SLC24A2: variants seen among roughly 807,000 people sequenced by gnomAD.
The protein encoded by SLC24A2 is solute carrier family 24 member 2.
SLC24A2 carries 36 observed loss-of-function variants against 62.0 expected under a neutral mutation model. The ratio of observed to expected loss-of-function variants is 0.58; its 90% confidence interval spans 0.44 to 0.77. SLC24A2 has a LOEUF of 0.77. Ranked by LOEUF, SLC24A2 falls within the 30% of genes least tolerant of loss-of-function variation. The pLI is 0.00. For synonymous variants in SLC24A2, 358 were observed against 294.0 expected, an observed-to-expected ratio of 1.22 and a Z score of -2.23; for missense variants, 846 against 817.9, an observed-to-expected ratio of 1.03 and a Z score of -0.42.
chr9:20,231,985 G>C, the SLC24A2 span, among the ~76,000 whole-genome samples: 1 of 152,154 alleles, frequency 6.6e-6, no homozygotes, highest in Non-Finnish European at 1.5e-5. Context: ...TGCATCTATT[G>C]AGATAATCAT....
chr9:19,866,829 G>A, the SLC24A2 span, among the ~76,000 whole-genome samples: 8 of 151,764 alleles, frequency 5.3e-5, no homozygotes, highest in East Asian at 1.6e-3. Flanking sequence ...TAGAGACGGG[G>A]TCACTTATTA....
At chr9:20,278,849 G>T in the SLC24A2 span, among the ~76,000 whole-genome samples, 724 of 152,148 alleles carry the variant, frequency 4.8e-3, 7 homozygotes, top group Admixed American at 0.029. Flanking sequence ...CCAATTTATT[G>T]TATTAGTCCA....
the SLC24A2 span, among the ~76,000 whole-genome samples, chr9:19,869,507 T>A: frequency 1.2e-4 from 18 of 152,336 alleles, no homozygotes; most frequent in East Asian, 3.5e-3. Context: ...CTTTTACAGG[T>A]TGCATAAATG....
chr9:19,715,389 C>T (rs887859970), intron 2 of SLC24A2, among the ~76,000 whole-genome samples: 1 of 152,082 alleles, frequency 6.6e-6, no homozygotes, highest in African/African-American at 2.4e-5. Flanking sequence ...GGAGAGGGAC[C>T]GAGTATCCTC....
chr9:20,168,343 C>A, the SLC24A2 span, among the ~76,000 whole-genome samples: 1 of 151,376 alleles, frequency 6.6e-6, no homozygotes, highest in African/African-American at 2.4e-5. Context: ...GATATGACAC[C>A]AAGATAACAG....
the SLC24A2 span, among the ~76,000 whole-genome samples, chr9:20,231,862 G>C: frequency 1.3e-5 from 2 of 152,228 alleles, no homozygotes; most frequent in South Asian, 2.1e-4. Flanking sequence ...TATGATATTG[G>C]CTGTGGGTTT....
chr9:20,105,236 C>T, the SLC24A2 span, among the ~76,000 whole-genome samples: 9 of 152,160 alleles, frequency 5.9e-5, no homozygotes, highest in African/African-American at 1.2e-4. Context: ...TAGACTCCCA[C>T]ACAATAATAA....
intron 7 of SLC24A2, among the ~76,000 whole-genome samples, chr9:19,551,182 A>C (rs1834824758): frequency 6.6e-6 from 1 of 152,222 alleles, no homozygotes; most frequent in Admixed American, 6.5e-5. Flanking sequence ...AACCACAGCT[A>C]AATTCTAAAC....
At chr9:19,531,404 G>A (rs1178885053) in intron 8 of SLC24A2, among the ~76,000 whole-genome samples, 1 of 152,100 alleles carries the variant, frequency 6.6e-6, no homozygotes, top group Non-Finnish European at 1.5e-5. Context: ...AGTAATGGGG[G>A]TTCATCCTGC....
At position 19,517,555 on chromosome 9, in the gene SLC24A2, G is replaced by A. The variant is rs373159834; in HGVS notation, c.1737-1153C>T. Among the ~76,000 whole-genome samples, 4 of 152,292 alleles carry A rather than the reference G, an allele frequency of 2.6e-5. No homozygotes were observed. In the East Asian group the frequency reaches 5.8e-4, roughly 22 times the overall value. ...CTTTGAAATTCCAGGCCTGGTACAT[G>A]CAGCCCCTAACTGGGTGCATATGTT... is the stretch of plus-strand genomic sequence containing the variant. On this transcript the variant is annotated intron_variant, in intron 10 of 10. Coordinates refer to ENST00000341998, the MANE Select transcript of SLC24A2 (RefSeq NM_020344.4).
chr9:20,267,957 C>G, the SLC24A2 span, among the ~76,000 whole-genome samples: 2 of 152,100 alleles, frequency 1.3e-5, no homozygotes, highest in East Asian at 3.9e-4. Context: ...TTAACCTCCC[C>G]ATCCCACTGG....
intron 2 of SLC24A2, among the ~76,000 whole-genome samples, chr9:19,717,626 G>A (rs973017635): frequency 6.6e-6 from 1 of 152,156 alleles, no homozygotes; most frequent in Non-Finnish European, 1.5e-5. Context: ...ACATTCTAAT[G>A]TTAAACTACT....
chr9:19,930,141 T>A, the SLC24A2 span, among the ~76,000 whole-genome samples: 1 of 152,184 alleles, frequency 6.6e-6, no homozygotes, highest in Non-Finnish European at 1.5e-5. Context: ...GTTTATAAAG[T>A]CTACAGTAGT....
the SLC24A2 span, among the ~76,000 whole-genome samples, chr9:20,102,303 T>C: frequency 6.7e-6 from 1 of 149,880 alleles, no homozygotes; most frequent in Non-Finnish European, 1.5e-5. Flanking sequence ...CAGAATACTA[T>C]GCAGCCATAA....
chr9:19,841,043 T>G, the SLC24A2 span, among the ~76,000 whole-genome samples: 4 of 152,162 alleles, frequency 2.6e-5, no homozygotes, highest in Non-Finnish European at 4.4e-5. Context: ...CATAGACTTT[T>G]CAATCACCAT....
the SLC24A2 span, among the ~76,000 whole-genome samples, chr9:20,149,546 T>C: frequency 6.6e-6 from 1 of 152,146 alleles, no homozygotes; most frequent in East Asian, 1.9e-4. Context: ...GTTTCCATTG[T>C]GGCTGCTCAA....
At chr9:20,173,883 C>A in the SLC24A2 span, among the ~76,000 whole-genome samples, 1 of 151,910 alleles carries the variant, frequency 6.6e-6, no homozygotes. Context: ...AAAGAACCCA[C>A]AAAGCCCAAG....
At chr9:20,305,660 T>G in the SLC24A2 span, among the ~76,000 whole-genome samples, 1 of 152,204 alleles carries the variant, frequency 6.6e-6, no homozygotes, top group South Asian at 2.1e-4. Flanking sequence ...GTCAGCATAT[T>G]TGAGCATATA....
At chr9:19,764,856 T>A (rs1033089985) in intron 2 of SLC24A2, among the ~76,000 whole-genome samples, 3 of 152,192 alleles carry the variant, frequency 2.0e-5, no homozygotes, top group African/African-American at 7.2e-5. Flanking sequence ...ATATCTCTGT[T>A]AATTTTTTGT....
Sources: gnomAD v4.1 joint callset for allele counts (sites outside exome capture counted in the v4.1 genomes callset) on GRCh38, gnomAD v4.1.1 for gene constraint, MANE v1.5 for transcripts, NCBI Gene and HGNC (gene_info 2026-07-23, HGNC 2026-07-21) for gene names.